Variants in STXBP5L observed in about 807,000 individuals in gnomAD.
The protein encoded by STXBP5L is syntaxin-binding protein 5-like.
In STXBP5L, 65 loss-of-function variants were observed where a neutral mutation model predicts 144.5. The ratio of observed to expected loss-of-function variants is 0.45; its 90% confidence interval spans 0.37 to 0.55. The LOEUF is 0.55. Ranked by LOEUF, STXBP5L falls within the 20% of genes least tolerant of loss-of-function variation. The pLI, the probability that STXBP5L is intolerant of heterozygous loss-of-function variation, is 0.00. For synonymous variants in STXBP5L, 505 were observed against 469.6 expected (o/e 1.08, Z -0.97); for missense variants, 1,298 against 1,405.5 (o/e 0.92, Z 1.22).
chr3:121,214,117 C>A (rs2048685258), intron 10 of STXBP5L, among the ~76,000 whole-genome samples: 1 of 152,058 alleles, frequency 6.6e-6, no homozygotes, highest in South Asian at 2.1e-4. Context: ...ATTAGGCTGG[C>A]TAGTTGTCTA....
At chr3:121,169,512 A>G (rs2046627075) in intron 9 of STXBP5L, among the ~76,000 whole-genome samples, 1 of 152,228 alleles carries the variant, frequency 6.6e-6, no homozygotes, top group Non-Finnish European at 1.5e-5. Context: ...AAGCAAATGG[A>G]AAGTGGAAAA....
intron 3 of STXBP5L, among the ~76,000 whole-genome samples, chr3:121,000,210 G>A (rs1166999073): frequency 6.6e-6 from 1 of 152,152 alleles, no homozygotes; most frequent in African/African-American, 2.4e-5. Flanking sequence ...TGTATTACAA[G>A]TTGCTTGCTC....
At chr3:121,403,226 A>C (rs973383638) in intron 22 of STXBP5L, among the ~76,000 whole-genome samples, 1 of 152,164 alleles carries the variant, frequency 6.6e-6, no homozygotes, top group African/African-American at 2.4e-5. Context: ...CATTTAACAG[A>C]ATCATTCTAT....
chr3:121,316,253 T>G (rs117793485), intron 19 of STXBP5L, among the ~76,000 whole-genome samples: 1 of 152,216 alleles, frequency 6.6e-6, no homozygotes, highest in South Asian at 2.1e-4. Context: ...ACTATTATTG[T>G]TAGATCCATA....
At chr3:121,273,027 CT>C (rs1314715429) in intron 18 of STXBP5L, among the ~76,000 whole-genome samples, 1 of 151,994 alleles carries the variant, frequency 6.6e-6, no homozygotes, top group African/African-American at 2.4e-5. Flanking sequence ...TTATACTGGA[CT>C]TAAAGTTGAT....
At chr3:121,297,105 T>C (rs1173041700) in intron 19 of STXBP5L, among the ~76,000 whole-genome samples, 1 of 152,122 alleles carries the variant, frequency 6.6e-6, no homozygotes, top group Non-Finnish European at 1.5e-5. Context: ...GAGATTTTCA[T>C]AGTCCAATTT....
At chr3:121,135,955 C>G (rs1001445510) in intron 7 of STXBP5L, among the ~76,000 whole-genome samples, 1 of 152,072 alleles carries the variant, frequency 6.6e-6, no homozygotes, top group Admixed American at 6.5e-5. Context: ...TGTCCAGGTG[C>G]CAGACAGGAA....
intron 20 of STXBP5L, among the ~76,000 whole-genome samples, chr3:121,346,183 C>A (rs895466420): frequency 2.0e-5 from 3 of 149,874 alleles, no homozygotes; most frequent in South Asian, 4.3e-4. Flanking sequence ...CAATTCCCAC[C>A]TATGAGTGAG....
chr3:120,998,525 C>T (rs1157132303), intron 3 of STXBP5L, among the ~76,000 whole-genome samples: 1 of 152,092 alleles, frequency 6.6e-6, no homozygotes. Flanking sequence ...AATGCTATCC[C>T]TCCCCTAGCT....
chr3:121,395,877 C>T (rs1391101388), intron 22 of STXBP5L, among the ~76,000 whole-genome samples: 1 of 152,198 alleles, frequency 6.6e-6, no homozygotes, highest in Non-Finnish European at 1.5e-5. Flanking sequence ...TGGGGTCCTC[C>T]TCAGCGTCAG....
At chr3:121,045,293 A>T in intron 4 of STXBP5L, 142 bp from the exon 5 acceptor site, 1 of 694,038 alleles carries the variant, frequency 1.4e-6, no homozygotes, top group South Asian at 2.6e-5. Context: ...ATTGAAGTTT[A>T]TGCACCTATC....
chr3:121,031,715 C>G (rs999550463), intron 3 of STXBP5L, among the ~76,000 whole-genome samples: 2 of 152,088 alleles, frequency 1.3e-5, no homozygotes, highest in African/African-American at 4.8e-5. Flanking sequence ...TGGTCAAAAA[C>G]TGGGTACCTA....
intron 3 of STXBP5L, among the ~76,000 whole-genome samples, chr3:120,957,080 C>A (rs1378402360): frequency 6.6e-6 from 1 of 151,948 alleles, no homozygotes; most frequent in Non-Finnish European, 1.5e-5. Flanking sequence ...ACAAGACTGT[C>A]TTATCCATTG....
chr3:121,220,580 G>A (rs747304258), intron 10 of STXBP5L, among the ~76,000 whole-genome samples: 5 of 152,068 alleles, frequency 3.3e-5, no homozygotes, highest in Non-Finnish European at 7.4e-5. Flanking sequence ...TGGATTGCTT[G>A]CCATATGATT....
rs112141038 is a variant in STXBP5L at position 121,289,647 on chromosome 3, T to C, written c.2110+9691T>C. On this transcript the variant is annotated intron_variant, in intron 19 of 26. Transcript: ENST00000471454. ...ACATTAACCAGGATAGACCATATGA[T>C]AGGCCACAAAACAAGTCTCAATAAA... 9.3e-3 allele frequency among the ~76,000 whole-genome samples: 1,415 copies of C among 152,272 alleles called. 10 individuals are homozygous for C. The highest frequency in any genetic ancestry group is 0.014 in the Non-Finnish European group (949 of 67,998).
intron 23 of STXBP5L, among the ~76,000 whole-genome samples, chr3:121,409,875 T>C (rs1328678032): frequency 6.6e-6 from 1 of 151,822 alleles, no homozygotes; most frequent in Non-Finnish European, 1.5e-5. Flanking sequence ...TATTGATTAT[T>C]CTTTCAGGAA....
chr3:121,343,121 G>GT (rs1470997482), intron 20 of STXBP5L, among the ~76,000 whole-genome samples: 3 of 152,084 alleles, frequency 2.0e-5, no homozygotes, highest in African/African-American at 7.2e-5. Context: ...TTTTTCCTGT[G>GT]TTTTTTGGCT....
At chr3:121,183,137 A>T (rs2047226827) in intron 9 of STXBP5L, among the ~76,000 whole-genome samples, 1 of 152,202 alleles carries the variant, frequency 6.6e-6, no homozygotes, top group Admixed American at 6.5e-5. Flanking sequence ...TAGAAAGGAC[A>T]TATGTCAAAG....
intron 5 of STXBP5L, among the ~76,000 whole-genome samples, chr3:121,048,591 A>T (rs1027580217): frequency 4.6e-5 from 7 of 152,038 alleles, no homozygotes; most frequent in South Asian, 2.1e-4. Flanking sequence ...GAGCTCTCAG[A>T]TTCTTTCCTG....
Sources: gnomAD v4.1 joint callset for allele counts (sites outside exome capture counted in the v4.1 genomes callset) on GRCh38, gnomAD v4.1.1 for gene constraint, MANE v1.5 for transcripts, NCBI Gene and HGNC (gene_info 2026-07-23, HGNC 2026-07-21) for gene names.